Variants in NFIX observed in about 807,000 individuals in gnomAD.
NFIX encodes nuclear factor I X.
A neutral mutation model predicts 53.3 loss-of-function variants in NFIX; 2 were observed. The ratio of observed to expected loss-of-function variants is 0.04; its 90% CI spans 0.02 to 0.12. NFIX has a LOEUF of 0.12. Ranked by LOEUF, NFIX falls within the 10% of genes least tolerant of loss-of-function variation. The pLI, the probability that NFIX is intolerant of heterozygous loss-of-function variation, is 1.00. For synonymous variants in NFIX, 244 were observed against 289.0 expected (o/e 0.84, Z 1.58); for missense variants, 310 against 674.5 (o/e 0.46, Z 5.99).
Position 13,049,255 on chromosome 19 carries a change from T to TA in NFIX, c.559+23711dup, listed in dbSNP as rs944211823. On this transcript the variant is annotated intron_variant, in intron 2 of 10. Coordinates refer to ENST00000592199, the MANE Select transcript of NFIX (RefSeq NM_001365902.3). This position sits in a 1 kb window ranked among gnomAD's most constrained non-coding sequence, Gnocchi z 4.5. ...GCAGGCAACAGAGTAAGACTGCCTC[T>TA]AAAAAAAATAAAAAATAAAAAAATA... is the stretch of plus-strand genomic sequence containing the variant. Among the ~76,000 whole-genome samples the TA allele has an allele frequency of 6.6e-6, 1 of 151,766 alleles. No individual in the cohort carries two copies. Among genetic ancestry groups the TA allele is most frequent in the Non-Finnish European group, 1.5e-5 (1 of 67,912 alleles).
Position 13,081,345 on chromosome 19 carries a change from A to G in NFIX, c.1079-335A>G, listed in dbSNP as rs907241860. ...ACTTTTTTAAAAAGCCAAATAAAAT[A>G]AAGACAAGATCCTACCCTGCCTCAT... On this transcript the variant is annotated intron_variant, in intron 7 of 10. Coordinates refer to ENST00000592199, the MANE Select transcript of NFIX (RefSeq NM_001365902.3). The surrounding 1 kb of genome is among the most constrained non-coding windows in gnomAD (Gnocchi z 4.7). Among the ~76,000 whole-genome samples the G allele has an allele frequency of 6.6e-6, 1 of 152,130 alleles. No homozygotes were observed. The highest frequency in any genetic ancestry group is 1.5e-5 in the Non-Finnish European group (1 of 68,036).
rs1427280275 is a variant in NFIX at position 13,051,374 on chromosome 19, G to A, written c.560-21673G>A. Among the ~76,000 whole-genome samples the A allele has an allele frequency of 6.6e-6, 1 of 152,144 alleles. No homozygotes were observed. Among genetic ancestry groups the A allele is most frequent in the African/African-American group, 2.4e-5 (1 of 41,426 alleles). ...TGGCCACTACCCAGAGCTCACTCAG[G>A]GTACTAGGGATGGAAGGGAAGAGGA... On this transcript the variant is annotated intron_variant, in intron 2 of 10. Coordinates refer to ENST00000592199, the MANE Select transcript of NFIX (RefSeq NM_001365902.3). The surrounding 1 kb of genome is among the most constrained non-coding windows in gnomAD (Gnocchi z 5.1).
In NFIX at chr19:13,018,806, A is replaced by G. The variant is rs1283051288; in HGVS notation, c.28-6215A>G. On this transcript the variant is annotated intron_variant, in intron 1 of 10. Transcript: ENST00000592199. ...CACGAAGCAGCAGTAATCTTGGGAC[A>G]AGGTGGGAGAGCTCAGGGTTACGAA... Among the ~76,000 whole-genome samples the G allele has an allele frequency of 2.0e-5, 3 of 152,342 alleles. No individual in the cohort carries two copies. In the East Asian group the frequency reaches 5.8e-4, roughly 29 times the overall value.
rs1287347654 is a variant in NFIX at position 12,996,687 on chromosome 19, C to A, written c.27+823C>A. On this transcript the variant is annotated intron_variant, in intron 1 of 10. Coordinates refer to ENST00000592199, the MANE Select transcript of NFIX (RefSeq NM_001365902.3). This position sits in a 1 kb window ranked among gnomAD's most constrained non-coding sequence, Gnocchi z 5.2. ...ACCCGGCAGGCCTGGGGAATCCCGT[C>A]CCGTCGCCTGGAGGCGGGAGGGGCG... 6.6e-6 allele frequency among the ~76,000 whole-genome samples: 1 copy of A among 152,196 alleles called. No individual in the cohort carries two copies. Among genetic ancestry groups the A allele is most frequent in the Non-Finnish European group, 1.5e-5 (1 of 68,016 alleles).
chr19:13,042,355 C>CTTTTTT (rs35785662), intron 2 of NFIX, among the ~76,000 whole-genome samples: 5 of 100,572 alleles, frequency 5.0e-5, no homozygotes, highest in African/African-American at 1.1e-4. Flanking sequence ...CTTTTACATG[C>CTTTTTT]TTTTTTTTTT....
At chr19:13,064,096 C>T (rs2016256469) in intron 2 of NFIX, among the ~76,000 whole-genome samples, 1 of 152,134 alleles carries the variant, frequency 6.6e-6, no homozygotes, top group Admixed American at 6.5e-5. Context: ...CCCAGGGCCC[C>T]TCTCTTTTCT....
In NFIX at chr19:13,011,186, A is replaced by AC. The variant is rs1029822476; in HGVS notation, c.28-13828dup. Among the ~76,000 whole-genome samples, 106 of 149,302 alleles carry AC rather than the reference A, an allele frequency of 7.1e-4. No individual in the cohort carries two copies. Among genetic ancestry groups the AC allele is most frequent in the East Asian group, 2.4e-3 (12 of 5,052 alleles). On this transcript the variant is annotated intron_variant, in intron 1 of 10. Coordinates refer to ENST00000592199, the MANE Select transcript of NFIX (RefSeq NM_001365902.3). This position sits in a 1 kb window ranked among gnomAD's most constrained non-coding sequence, Gnocchi z 6.5. ...CATCCCACGTTCTTAAAGACCGGGGACCCCCCCTCCCCCAAGGGCCGGACT... is the reference window on the plus strand; with the variant it reads ...CATCCCACGTTCTTAAAGACCGGGGACCCCCCCCTCCCCCAAGGGCCGGACT...
rs2015361071 is a variant in NFIX at position 13,052,071 on chromosome 19, ACCAAACGC to A, written c.560-20973_560-20966del. 6.6e-6 allele frequency among the ~76,000 whole-genome samples: 1 copy of A among 151,872 alleles called. No homozygotes were observed. The highest frequency in any genetic ancestry group is 6.6e-5 in the Admixed American group (1 of 15,246). On this transcript the variant is annotated intron_variant, in intron 2 of 10. Coordinates refer to ENST00000592199, the MANE Select transcript of NFIX (RefSeq NM_001365902.3). The surrounding 1 kb of genome is among the most constrained non-coding windows in gnomAD (Gnocchi z 5.2). ...GTCCACTCTGCTTGCAGGATTTGGG[ACCAAACGC>A]CCTCAGGCATCCAGGTGGTGCCCGG...
rs2014519114 is a variant in NFIX at position 13,040,200 on chromosome 19, C to T, written c.559+14648C>T. Among the ~76,000 whole-genome samples the T allele has an allele frequency of 6.6e-6, 1 of 152,254 alleles. No individual in the cohort carries two copies. Among genetic ancestry groups the T allele is most frequent in the Non-Finnish European group, 1.5e-5 (1 of 68,034 alleles). Reference sequence around the variant, plus strand: ...GCCCCTTCCTTCACCCCTGCCCCCGCTGAGTACCTTGTTACAGGGGCTACT... The same window carrying T: ...GCCCCTTCCTTCACCCCTGCCCCCGTTGAGTACCTTGTTACAGGGGCTACT... On this transcript the variant is annotated intron_variant, in intron 2 of 10. Transcript: ENST00000592199. The surrounding 1 kb of genome is among the most constrained non-coding windows in gnomAD (Gnocchi z 4.2).
chr19:13,092,114 A>ACGGG (rs767144681), intron 10 of NFIX, among the ~76,000 whole-genome samples: 8 of 152,092 alleles, frequency 5.3e-5, no homozygotes, highest in Non-Finnish European at 1.0e-4. Context: ...GGCGGCTGCA[A>ACGGG]CGGGCGGGCG....
At chr19:13,044,012 C>G (rs1373744211) in intron 2 of NFIX, among the ~76,000 whole-genome samples, 5 of 152,126 alleles carry the variant, frequency 3.3e-5, no homozygotes. Flanking sequence ...ATATCATTTT[C>G]TACATCCTAT....
chr19:13,000,563 G>C (rs541621535), intron 1 of NFIX, among the ~76,000 whole-genome samples: 1 of 151,906 alleles, frequency 6.6e-6, no homozygotes, highest in East Asian at 1.9e-4. Flanking sequence ...GGAGAGTGGG[G>C]GGCAGGAGGG....
rs141145531 is a variant in NFIX, at chr19:13,014,961, C to G, written c.28-10060C>G. ...AGAAGGGAAAGGGGATCCTGAAGTG[C>G]CTGAGGAAGAAACAGCAATGAGAAA... On this transcript the variant is annotated intron_variant, in intron 1 of 10. Coordinates refer to ENST00000592199, the MANE Select transcript of NFIX (RefSeq NM_001365902.3). The surrounding 1 kb of genome is among the most constrained non-coding windows in gnomAD (Gnocchi z 4.4). Among the ~76,000 whole-genome samples the G allele has an allele frequency of 3.3e-5, 5 of 152,140 alleles. No homozygotes were observed. The highest frequency in any genetic ancestry group is 7.3e-5 in the Non-Finnish European group (5 of 68,032).
At chr19:13,032,909 C>G (rs1298954688) in intron 2 of NFIX, among the ~76,000 whole-genome samples, 3 of 152,258 alleles carry the variant, frequency 2.0e-5, no homozygotes, top group African/African-American at 7.2e-5. Flanking sequence ...GTGCAGCCTG[C>G]TGGTTTACAT....
chr19:13,024,528 G>T, intron 1 of NFIX: 14 of 1,523,124 alleles, frequency 9.2e-6, no homozygotes, highest in Non-Finnish European at 1.2e-5. Flanking sequence ...CCGGTGTCGG[G>T]GACCAGAGGC....
chr19:13,063,000 G>T (rs1286031519), intron 2 of NFIX, among the ~76,000 whole-genome samples: 1 of 152,188 alleles, frequency 6.6e-6, no homozygotes, highest in Non-Finnish European at 1.5e-5. Context: ...AGGCCCTGAG[G>T]TTTCCTGGAT....
chr19:13,016,915 C>T (rs746320492), intron 1 of NFIX, among the ~76,000 whole-genome samples: 2 of 152,076 alleles, frequency 1.3e-5, no homozygotes, highest in Non-Finnish European at 2.9e-5. Flanking sequence ...GTTTTCTCTT[C>T]GCCCCCCAAA....
chr19:13,095,632 G>C lies in NFIX; in HGVS notation c.*983G>C, dbSNP rs983187922. 1 of 152,364 alleles carries C rather than the reference G, an allele frequency of 6.6e-6. No homozygotes were observed. The highest frequency in any genetic ancestry group is 1.5e-5 in the Non-Finnish European group (1 of 68,066). The allele number at this position is 152,364 out of a possible 1,614,324, so 9.4% of individuals were successfully genotyped here. On this transcript the variant is annotated 3_prime_UTR_variant, in exon 11 of 11. Transcript: ENST00000592199. ...GCCCCTCATGCAGACTGCCCTGCTGGGGCCGGGCCGGAGGGTGGAGCAGAA... is the reference window on the plus strand; with the variant it reads ...GCCCCTCATGCAGACTGCCCTGCTGCGGCCGGGCCGGAGGGTGGAGCAGAA...
At chr19:13,035,575 G>A (rs1162803100) in intron 2 of NFIX, among the ~76,000 whole-genome samples, 3 of 151,992 alleles carry the variant, frequency 2.0e-5, no homozygotes, top group Non-Finnish European at 4.4e-5. Flanking sequence ...CTGGGTCTTA[G>A]TACTACTCTT....
Sources: allele counts gnomAD v4.1 joint callset (sites outside exome capture counted in the v4.1 genomes callset), GRCh38; gene constraint gnomAD v4.1.1; non-coding constraint Gnocchi (gnomAD v3.1); transcripts MANE v1.5; gene names NCBI Gene and HGNC (gene_info 2026-07-23, HGNC 2026-07-21).